Variants in WWOX observed in about 807,000 individuals in gnomAD.
WWOX encodes WW domain containing oxidoreductase, also known as WW domain-containing oxidoreductase.
WWOX carries 69 observed loss-of-function variants against 46.2 expected under a neutral mutation model. The ratio of observed to expected loss-of-function variants is 1.49; its 90% CI spans 1.23 to 1.82. WWOX has a LOEUF of 1.82. Ranked by LOEUF, WWOX falls within the 40% of genes most tolerant of loss-of-function variation. The probability of loss-of-function intolerance (pLI) is 0.00; values close to 1 mark genes in which losing one functional copy is unlikely to be tolerated. For synonymous variants in WWOX, 359 were observed against 202.6 expected, an observed-to-expected ratio of 1.77 and a Z score of -6.56; for missense variants, 919 against 542.6, an observed-to-expected ratio of 1.69 and a Z score of -6.89.
intron 6 of WWOX, among the ~76,000 whole-genome samples, chr16:78,411,326 T>C (rs1338254158): frequency 6.6e-6 from 1 of 152,164 alleles, no homozygotes; most frequent in Non-Finnish European, 1.5e-5. Context: ...ATTGTGTGTT[T>C]ATATATTGCT....
At chr16:78,626,666 G>T (rs2046318739) in intron 8 of WWOX, among the ~76,000 whole-genome samples, 1 of 152,102 alleles carries the variant, frequency 6.6e-6, no homozygotes, top group Non-Finnish European at 1.5e-5. Flanking sequence ...TGCCTTTGGA[G>T]GAGTGTTGCT....
At chr16:78,748,068 C>A (rs532686328) in intron 8 of WWOX, among the ~76,000 whole-genome samples, 1 of 152,244 alleles carries the variant, frequency 6.6e-6, no homozygotes, top group East Asian at 1.9e-4. Flanking sequence ...TGTCCCCTGT[C>A]TGTTAGTTTT....
chr16:78,489,833 T>C (rs550546577), intron 8 of WWOX, among the ~76,000 whole-genome samples: 51 of 152,232 alleles, frequency 3.4e-4, no homozygotes, highest in African/African-American at 1.2e-3. Context: ...CTAAAGCTGC[T>C]GATAAGCAAA....
chr16:78,524,489 C>A (rs1271213305), intron 8 of WWOX, among the ~76,000 whole-genome samples: 1 of 151,720 alleles, frequency 6.6e-6, no homozygotes, highest in African/African-American at 2.4e-5. Flanking sequence ...GGCATGATCT[C>A]GGCTCACTGC....
chr16:78,770,508 C>G (rs1218092767), intron 8 of WWOX, among the ~76,000 whole-genome samples: 1 of 152,130 alleles, frequency 6.6e-6, no homozygotes, highest in Non-Finnish European at 1.5e-5. Flanking sequence ...CATTGGATGG[C>G]AGAAAGGTTC....
At chr16:78,631,922 G>C (rs2046441510) in intron 8 of WWOX, among the ~76,000 whole-genome samples, 1 of 151,800 alleles carries the variant, frequency 6.6e-6, no homozygotes, top group African/African-American at 2.4e-5. Context: ...AAATTATTCT[G>C]TCTTCTATGA....
intron 8 of WWOX, among the ~76,000 whole-genome samples, chr16:78,745,078 A>G (rs1313297893): frequency 6.6e-6 from 1 of 152,036 alleles, no homozygotes; most frequent in Non-Finnish European, 1.5e-5. Context: ...AGAAATGGAG[A>G]TCTCAAGAGG....
intron 8 of WWOX, among the ~76,000 whole-genome samples, chr16:78,810,966 G>A (rs994209370): frequency 6.6e-6 from 1 of 151,802 alleles, no homozygotes; most frequent in African/African-American, 2.4e-5. Flanking sequence ...GTGGCCAGAA[G>A]CATATTTGGT....
At chr16:78,381,710 C>G (rs78404078) in intron 5 of WWOX, among the ~76,000 whole-genome samples, 9 of 152,106 alleles carry the variant, frequency 5.9e-5, no homozygotes, top group African/African-American at 2.2e-4. Flanking sequence ...TCAGTGATCT[C>G]AGAACCTCTT....
chr16:79,177,979 C>G lies in WWOX; in HGVS notation c.1057-33629C>G, dbSNP rs546614565. 1.3e-4 allele frequency among the ~76,000 whole-genome samples: 20 copies of G among 152,250 alleles called. No individual in the cohort carries two copies. In the South Asian group the frequency reaches 4.1e-3, roughly 32 times the overall value. ...CTTCTGTTGAGGGCTCGTTCCCTGG[C>G]TCATAGATGATGACTTCTTGCTGTG... On this transcript the variant is annotated intron_variant, in intron 8 of 8. Transcript: ENST00000566780.
chr16:78,301,730 G>C (rs779476561), intron 5 of WWOX, among the ~76,000 whole-genome samples: 1 of 152,176 alleles, frequency 6.6e-6, no homozygotes, highest in Non-Finnish European at 1.5e-5. Flanking sequence ...TTGGAAATCA[G>C]GACTGTCTCT....
chr16:78,205,827 A>ACCTTCCTTCCTTCCTTCCGTCCTT (rs376131477), intron 5 of WWOX, among the ~76,000 whole-genome samples: 5 of 144,950 alleles, frequency 3.4e-5, no homozygotes, highest in Admixed American at 3.4e-4. Context: ...CTTCCTTCCT[A>ACCTTCCTTCCTTCCTTCCGTCCTT]CCTTCCTTCC....
At chr16:78,710,500 T>TATA (rs1567507587) in intron 8 of WWOX, among the ~76,000 whole-genome samples, 8 of 68,564 alleles carry the variant, frequency 1.2e-4, no homozygotes, top group South Asian at 4.4e-4. Context: ...ATATATATAT[T>TATA]TATATAAATA....
chr16:78,249,359 G>A (rs987738214), intron 5 of WWOX, among the ~76,000 whole-genome samples: 4 of 152,226 alleles, frequency 2.6e-5, no homozygotes, highest in African/African-American at 9.6e-5. Flanking sequence ...ACTTTGCCAG[G>A]CGTGGGCCAG....
At chr16:78,812,411 A>T (rs925002699) in intron 8 of WWOX, among the ~76,000 whole-genome samples, 9 of 151,832 alleles carry the variant, frequency 5.9e-5, no homozygotes, top group Admixed American at 1.3e-4. Context: ...AATATTTGTT[A>T]AAAAAAACCC....
intron 8 of WWOX, among the ~76,000 whole-genome samples, chr16:78,998,001 C>G (rs757737250): frequency 6.6e-6 from 1 of 152,062 alleles, no homozygotes; most frequent in Non-Finnish European, 1.5e-5. Flanking sequence ...CTCAGCCTCC[C>G]GAGTAGCTGG....
At chr16:79,046,373 T>C (rs567992973) in intron 8 of WWOX, among the ~76,000 whole-genome samples, 55 of 152,316 alleles carry the variant, frequency 3.6e-4, no homozygotes, top group African/African-American at 1.3e-3. Context: ...TATCCTGTTG[T>C]CTTTATCAGT....
At chr16:78,509,351 C>G (rs956495571) in intron 8 of WWOX, among the ~76,000 whole-genome samples, 1 of 151,866 alleles carries the variant, frequency 6.6e-6, no homozygotes, top group African/African-American at 2.4e-5. Context: ...GAGGCAGGAA[C>G]TCGCTTGAAC....
chr16:78,373,507 G>T (rs1485102509), intron 5 of WWOX, among the ~76,000 whole-genome samples: 2 of 152,332 alleles, frequency 1.3e-5, no homozygotes, highest in Non-Finnish European at 2.9e-5. Flanking sequence ...CCTCAATGCA[G>T]TGTGGGTTAG....
Sources: gnomAD v4.1 joint callset for allele counts (sites outside exome capture counted in the v4.1 genomes callset) on GRCh38, gnomAD v4.1.1 for gene constraint, MANE v1.5 for transcripts, NCBI Gene and HGNC (gene_info 2026-07-23, HGNC 2026-07-21) for gene names.